CNNM2: variants seen among roughly 807,000 people sequenced by gnomAD.
CNNM2 encodes cyclin and CBS domain divalent metal cation transport mediator 2.
Under a neutral mutation model 66.9 loss-of-function variants are expected in CNNM2, and 12 were observed. That is an observed-to-expected ratio of 0.18 (90% CI 0.11 to 0.29). CNNM2 has a LOEUF of 0.29. CNNM2 is among the 10% of genes least tolerant of loss of function. CNNM2 has a pLI of 1.00. For synonymous variants in CNNM2, 557 were observed against 501.8 expected (o/e 1.11, Z -1.47); for missense variants, 705 against 1,167.7 (o/e 0.60, Z 5.77).
At chr10:103,023,303 A>G (rs2064627978) in intron 1 of CNNM2, among the ~76,000 whole-genome samples, 1 of 152,150 alleles carries the variant, frequency 6.6e-6, no homozygotes, top group Admixed American at 6.5e-5. Context: ...TATAATCCCA[A>G]CACTTTGGGT....
Position 102,919,110 on chromosome 10 carries a change from C to T in CNNM2, c.630C>T (p.Gly210=). ...LGAGGSGSTG[G]AVGGKGGSGV... ...CCGGCGGCTCGGGGTCCACGGGTGGCGCCGTCGGGGGCAAGGGTGGCTCGG... is the reference window on the plus strand; with the variant it reads ...CCGGCGGCTCGGGGTCCACGGGTGGTGCCGTCGGGGGCAAGGGTGGCTCGG... Residue 210 remains glycine (G), a synonymous_variant, in exon 1 of 8, where the codon GGC becomes GGT. Transcript: ENST00000369878. The T allele has an allele frequency of 3.7e-6, 6 of 1,610,648 alleles. No individual in the cohort carries two copies. Among genetic ancestry groups the T allele is most frequent in the Middle Eastern group, 1.7e-4 (1 of 6,056 alleles).
intron 5 of CNNM2, among the ~76,000 whole-genome samples, chr10:103,070,746 A>G (rs1019485080): frequency 6.6e-6 from 1 of 152,226 alleles, no homozygotes; most frequent in Admixed American, 6.5e-5. Flanking sequence ...CCTGGCCAAC[A>G]TGGTGAAACC....
At chr10:102,952,775 A>G (rs1004859729) in intron 1 of CNNM2, among the ~76,000 whole-genome samples, 2 of 152,162 alleles carry the variant, frequency 1.3e-5, no homozygotes, top group African/African-American at 4.8e-5. Context: ...TAGAAGCTCT[A>G]TAGGATGTGT....
chr10:102,990,132 G>A (rs1053571542), intron 1 of CNNM2, among the ~76,000 whole-genome samples: 1 of 151,792 alleles, frequency 6.6e-6, no homozygotes, highest in Non-Finnish European at 1.5e-5. Flanking sequence ...TTTTTTGTTT[G>A]TTTGTTTGTT....
intron 1 of CNNM2, among the ~76,000 whole-genome samples, chr10:102,980,256 A>G (rs757232433): frequency 2.6e-5 from 4 of 151,568 alleles, no homozygotes; most frequent in Non-Finnish European, 5.9e-5. Context: ...TCTCTTTCTC[A>G]TACCATTAAA....
chr10:103,037,956 C>T (rs914909008), intron 1 of CNNM2, among the ~76,000 whole-genome samples: 1 of 152,100 alleles, frequency 6.6e-6, no homozygotes, highest in African/African-American at 2.4e-5. Context: ...TCTCCTGCCT[C>T]ATCCTCCCAA....
At chr10:103,058,589 T>A (rs2065332368) in intron 4 of CNNM2, among the ~76,000 whole-genome samples, 2 of 152,234 alleles carry the variant, frequency 1.3e-5, no homozygotes, top group South Asian at 4.1e-4. Flanking sequence ...TACAAGTAAA[T>A]CTTTTAAGAT....
At chr10:102,943,224 CAAAA>C (rs1377781133) in intron 1 of CNNM2, among the ~76,000 whole-genome samples, 1 of 151,502 alleles carries the variant, frequency 6.6e-6, no homozygotes, top group Non-Finnish European at 1.5e-5. Flanking sequence ...GACTCTGTCT[CAAAA>C]AAACAAACAA....
chr10:102,928,197 A>ATTT (rs1211622497), intron 1 of CNNM2, among the ~76,000 whole-genome samples: 45 of 152,188 alleles, frequency 3.0e-4, no homozygotes, highest in Non-Finnish European at 6.5e-4. Context: ...CTTAACCAGT[A>ATTT]TTTTTATTAT....
At chr10:102,929,925 A>C (rs529014751) in intron 1 of CNNM2, among the ~76,000 whole-genome samples, 1 of 152,230 alleles carries the variant, frequency 6.6e-6, no homozygotes. Flanking sequence ...GGTAATGCCT[A>C]ATATAGCAAG....
Position 102,992,273 on chromosome 10 carries a change from C to CTTTTTTTTTTTTTTTTT in CNNM2, c.1622-57432_1622-57416dup, listed in dbSNP as rs35281835. On this transcript the variant is annotated intron_variant, in intron 1 of 7. Coordinates refer to ENST00000369878, the MANE Select transcript of CNNM2 (RefSeq NM_017649.5). Reference sequence around the variant, plus strand: ...TTTACTGGGAGCAAGCTCCAAGTTCCTTTTTTTTTTTTTTTTTTGAGATGC... The same window carrying CTTTTTTTTTTTTTTTTT: ...TTTACTGGGAGCAAGCTCCAAGTTCCTTTTTTTTTTTTTTTTTTTTTTTTTTTTTTTTTTTGAGATGC... Among the ~76,000 whole-genome samples the CTTTTTTTTTTTTTTTTT allele has an allele frequency of 1.9e-3, 205 of 108,442 alleles. 16 individuals carry two copies. Among genetic ancestry groups the CTTTTTTTTTTTTTTTTT allele is most frequent in the East Asian group, 8.9e-3 (29 of 3,242 alleles). The allele number at this position is 108,442 out of a possible 152,430, so 71.1% of individuals were successfully genotyped here.
At chr10:103,076,844 T>C in intron 7 of CNNM2, 127 bp from the exon 8 acceptor site, 2 of 809,674 alleles carry the variant, frequency 2.5e-6, no homozygotes. Flanking sequence ...AGTGGCTCAC[T>C]GCGCTCAAGT....
Position 103,077,430 on chromosome 10 carries a change from A to C in CNNM2, c.*250A>C, listed in dbSNP as rs1168737541. On this transcript the variant is annotated 3_prime_UTR_variant, in exon 8 of 8. Transcript: ENST00000369878. ...TTGGAGATGAACTGATTCCGCCCAA[A>C]TAGAATCATGTTTATTTTTTCAGCT... The C allele has an allele frequency of 2.1e-6, 1 of 472,538 alleles. No homozygotes were observed. Among genetic ancestry groups the C allele is most frequent in the East Asian group, 3.2e-5 (1 of 31,076 alleles). 29.3% of individuals were successfully genotyped at this position (472,538 alleles called of 1,614,324 possible). A position where few individuals can be genotyped will look rare whatever the true frequency, so the allele number is the denominator to read the frequency against.
chr10:102,978,437 A>G (rs1172583002), intron 1 of CNNM2, among the ~76,000 whole-genome samples: 1 of 151,988 alleles, frequency 6.6e-6, no homozygotes, highest in Admixed American at 6.6e-5. Context: ...TCTGTTAGGA[A>G]ATCTTACTGA....
intron 2 of CNNM2, among the ~76,000 whole-genome samples, chr10:103,053,826 A>G (rs931485253): frequency 3.9e-5 from 6 of 152,070 alleles, no homozygotes; most frequent in African/African-American, 1.4e-4. Flanking sequence ...GAAAGCATTC[A>G]TGTTTGTTTC....
chr10:103,082,010 C>A lies in CNNM2; in HGVS notation c.*4830C>A, dbSNP rs1378744412. The stretch of plus-strand genomic sequence containing the variant: ...TTTAAATATCTTTTGATGGGAAATA[C>A]CAGGTTGAACTTCAAGCATCATGGA... On this transcript the variant is annotated 3_prime_UTR_variant, in exon 8 of 8. Transcript: ENST00000369878. The A allele has an allele frequency of 6.6e-6, 1 of 152,158 alleles. No homozygotes were observed. The highest frequency in any genetic ancestry group is 6.6e-5 in the Admixed American group (1 of 15,266). The allele number at this position is 152,158 out of a possible 1,614,324, so 9.4% of individuals were successfully genotyped here. A position where few individuals can be genotyped will look rare whatever the true frequency, so the allele number is the denominator to read the frequency against.
At chr10:103,013,984 G>A (rs1170617598) in intron 1 of CNNM2, among the ~76,000 whole-genome samples, 1 of 152,166 alleles carries the variant, frequency 6.6e-6, no homozygotes, top group East Asian at 1.9e-4. Flanking sequence ...ATTAGGACCT[G>A]AGAAACTCCT....
chr10:103,074,482 CA>C (rs2065655634), intron 6 of CNNM2, among the ~76,000 whole-genome samples: 1 of 152,154 alleles, frequency 6.6e-6, no homozygotes, highest in African/African-American at 2.4e-5. Flanking sequence ...ATTTGTCTAA[CA>C]ATGGAAAATT....
In CNNM2 at chr10:103,086,689, G is replaced by C. The variant is rs1437848486; in HGVS notation, c.*9509G>C. 6.6e-6 allele frequency: 1 copy of C among 152,172 alleles called. No homozygotes were observed. The highest frequency in any genetic ancestry group is 1.5e-5 in the Non-Finnish European group (1 of 68,032). 9.4% of individuals were successfully genotyped at this position (152,172 alleles called of 1,614,324 possible). A position where few individuals can be genotyped will look rare whatever the true frequency, so the allele number is the denominator to read the frequency against. On this transcript the variant is annotated 3_prime_UTR_variant, in exon 8 of 8. Coordinates refer to ENST00000369878, the MANE Select transcript of CNNM2 (RefSeq NM_017649.5). ...CAATGCTAATGTGACTTAAGGATTTGTAGTTCTATTAAAAACGACTTCTAA... is the reference window on the plus strand; with the variant it reads ...CAATGCTAATGTGACTTAAGGATTTCTAGTTCTATTAAAAACGACTTCTAA...
Sources: gnomAD v4.1 joint callset for allele counts (sites outside exome capture counted in the v4.1 genomes callset) on GRCh38, gnomAD v4.1.1 for gene constraint, MANE v1.5 for transcripts, NCBI Gene and HGNC (gene_info 2026-07-23, HGNC 2026-07-21) for gene names.